ZFHX3: variants seen among roughly 807,000 people sequenced by gnomAD.
ZFHX3 encodes zinc finger homeobox protein 3.
A neutral mutation model predicts 279.1 loss-of-function variants in ZFHX3; 42 were observed. The observed-to-expected ratio is 0.15, with a 90% CI of 0.12 to 0.19. The LOEUF (loss-of-function observed/expected upper bound fraction) is 0.19. Among genes scored for constraint, ZFHX3 ranks in the 10% least tolerant of loss-of-function variants. The pLI, the probability that ZFHX3 is intolerant of heterozygous loss-of-function variation, is 1.00. For synonymous variants in ZFHX3, 2,293 were observed against 1,957.8 expected (o/e 1.17, Z -4.52); for missense variants, 4,981 against 4,754.0 (o/e 1.05, Z -1.40).
At chr16:73,836,015 A>G (rs1446252947) in intron 1 of ZFHX3, among the ~76,000 whole-genome samples, 2 of 152,232 alleles carry the variant, frequency 1.3e-5, no homozygotes, top group African/African-American at 2.4e-5. Flanking sequence ...CATGGAAAGG[A>G]AAATGGAGGA....
At chr16:73,763,208 C>G (rs574624322) in intron 1 of ZFHX3, among the ~76,000 whole-genome samples, 1 of 152,268 alleles carries the variant, frequency 6.6e-6, no homozygotes, top group Non-Finnish European at 1.5e-5. Flanking sequence ...AATTATCCCT[C>G]TTGGCAACTG....
intron 5 of ZFHX3, among the ~76,000 whole-genome samples, chr16:73,253,455 C>T (rs1283150874): frequency 1.5e-5 from 2 of 129,852 alleles, no homozygotes; most frequent in Middle Eastern, 3.3e-3. Context: ...CTTTCTTTCT[C>T]TTTTTTTTTT....
At chr16:73,392,848 G>C (rs200401615) in intron 3 of ZFHX3, among the ~76,000 whole-genome samples, 1 of 148,344 alleles carries the variant, frequency 6.7e-6, no homozygotes, top group African/African-American at 2.5e-5. Flanking sequence ...TTGTTTTTTT[G>C]TTTTTTGAGA....
intron 1 of ZFHX3, among the ~76,000 whole-genome samples, chr16:73,028,036 A>G (rs930973555): frequency 6.6e-6 from 1 of 151,846 alleles, no homozygotes; most frequent in East Asian, 1.9e-4. Flanking sequence ...ACCTCCTCCC[A>G]GGCCGCCAGG....
At chr16:73,253,510 G>A (rs1270796147) in intron 5 of ZFHX3, among the ~76,000 whole-genome samples, 1 of 148,722 alleles carries the variant, frequency 6.7e-6, no homozygotes, top group Admixed American at 6.7e-5. Context: ...GGAGTGCAGT[G>A]GCATGATCTC....
At chr16:73,011,024 T>C (rs1030294932) in intron 1 of ZFHX3, among the ~76,000 whole-genome samples, 14 of 152,138 alleles carry the variant, frequency 9.2e-5, no homozygotes, top group Admixed American at 3.9e-4. Context: ...TCATCCAGGC[T>C]GGACTGGAGT....
At chr16:73,400,320 T>C (rs2017224261) in intron 3 of ZFHX3, 1 of 152,320 alleles carries the variant, frequency 6.6e-6, no homozygotes, top group Middle Eastern at 3.4e-3. Context: ...TGCACATGTA[T>C]GTGTGTACAT....
intron 5 of ZFHX3, among the ~76,000 whole-genome samples, chr16:72,825,745 G>C (rs1341509188): frequency 6.6e-6 from 1 of 152,106 alleles, no homozygotes; most frequent in Non-Finnish European, 1.5e-5. Context: ...GGTTAGTTTT[G>C]TTCCTTTGGG....
chr16:73,807,975 T>G (rs1245082902), intron 1 of ZFHX3, among the ~76,000 whole-genome samples: 2 of 152,094 alleles, frequency 1.3e-5, no homozygotes, highest in African/African-American at 2.4e-5. Flanking sequence ...ATCACTTGCT[T>G]CAAATCGCAT....
intron 1 of ZFHX3, among the ~76,000 whole-genome samples, chr16:73,028,039 C>A (rs1964572802): frequency 1.3e-5 from 2 of 152,114 alleles, no homozygotes; most frequent in Admixed American, 1.3e-4. Flanking sequence ...TCCTCCCAGG[C>A]CGCCAGGTCC....
At chr16:73,677,344 G>A (rs2052965109) in intron 2 of ZFHX3, among the ~76,000 whole-genome samples, 1 of 151,800 alleles carries the variant, frequency 6.6e-6, no homozygotes, top group South Asian at 2.1e-4. Flanking sequence ...AATGGATAAA[G>A]TAAGAATATA....
intron 3 of ZFHX3, among the ~76,000 whole-genome samples, chr16:73,429,198 T>C (rs1191857559): frequency 6.6e-6 from 1 of 152,172 alleles, no homozygotes; most frequent in Non-Finnish European, 1.5e-5. Context: ...AGAAGTTCTA[T>C]GGTTCAAGAG....
intron 1 of ZFHX3, among the ~76,000 whole-genome samples, chr16:73,007,789 G>C (rs1963766741): frequency 6.6e-6 from 1 of 152,088 alleles, no homozygotes; most frequent in South Asian, 2.1e-4. Flanking sequence ...CCCAGTTTCT[G>C]ATTTAAAGTT....
intron 2 of ZFHX3, among the ~76,000 whole-genome samples, chr16:73,655,156 C>T (rs965688810): frequency 3.3e-5 from 5 of 152,132 alleles, no homozygotes; most frequent in Admixed American, 1.3e-4. Flanking sequence ...CCACCACACC[C>T]GGCCGTAATC....
At chr16:73,808,598 A>C (rs1200498381) in intron 1 of ZFHX3, 2 of 152,212 alleles carry the variant, frequency 1.3e-5, no homozygotes, top group African/African-American at 4.8e-5. Context: ...GAATGGAAAT[A>C]AGCTGAATGA....
chr16:73,374,814 A>G (rs185488143), intron 3 of ZFHX3, among the ~76,000 whole-genome samples: 348 of 152,248 alleles, frequency 2.3e-3, no homozygotes, highest in African/African-American at 7.2e-3. Context: ...TTGCATTCTT[A>G]TGGTGGTGTT....
intron 1 of ZFHX3, among the ~76,000 whole-genome samples, chr16:73,042,590 A>G (rs147962180): frequency 2.1e-4 from 32 of 151,068 alleles, no homozygotes; most frequent in African/African-American, 7.3e-4. Context: ...ACTCAGCCCT[A>G]CTCAATAACT....
At chr16:73,470,933 T>C (rs1382102666) in intron 2 of ZFHX3, among the ~76,000 whole-genome samples, 1 of 152,208 alleles carries the variant, frequency 6.6e-6, no homozygotes, top group Non-Finnish European at 1.5e-5. Flanking sequence ...AGATCCATAT[T>C]CTCAGAAGGC....
chr16:73,800,790 G>A (rs559245728), intron 1 of ZFHX3, among the ~76,000 whole-genome samples: 40 of 152,160 alleles, frequency 2.6e-4, no homozygotes, highest in Non-Finnish European at 2.1e-4. Flanking sequence ...CCTCTGGGCT[G>A]AAGTTCAGAC....
Sources: allele counts gnomAD v4.1 joint callset (sites outside exome capture counted in the v4.1 genomes callset), GRCh38; gene constraint gnomAD v4.1.1; transcripts MANE v1.5; gene names NCBI Gene and HGNC (gene_info 2026-07-23, HGNC 2026-07-21).